Variants in SCFD1 observed in about 807,000 individuals in gnomAD.
SCFD1 encodes the protein sec1 family domain containing 1.
SCFD1 carries 37 observed loss-of-function variants against 103.2 expected under a neutral mutation model. That is an observed-to-expected ratio of 0.36 (90% CI 0.28 to 0.47). SCFD1 has a LOEUF of 0.47. Among genes scored for constraint, SCFD1 ranks in the 20% least tolerant of loss-of-function variants. The probability of loss-of-function intolerance (pLI) is 1.00; values close to 1 mark genes in which losing one functional copy is unlikely to be tolerated. For synonymous variants in SCFD1, 264 were observed against 245.0 expected (o/e 1.08, Z -0.73); for missense variants, 639 against 761.2 (o/e 0.84, Z 1.89).
intron 14 of SCFD1, among the ~76,000 whole-genome samples, chr14:30,679,683 C>CCTT (rs1479082425): frequency 3.3e-4 from 48 of 147,016 alleles, no homozygotes; most frequent in African/African-American, 1.1e-3. Flanking sequence ...CATAAACTGA[C>CCTT]TTTTTTTTTT....
intron 4 of SCFD1, chr14:30,634,725 T>C: frequency 2.3e-6 from 1 of 442,840 alleles, no homozygotes; most frequent in Non-Finnish European, 4.5e-6. Context: ...AGACCCAGGC[T>C]CCTTCTGTCG....
intron 2 of SCFD1, among the ~76,000 whole-genome samples, chr14:30,629,036 CCTT>C (rs1883822362): frequency 2.0e-5 from 3 of 152,138 alleles, no homozygotes; most frequent in Non-Finnish European, 4.4e-5. Context: ...CTAATTTTCT[CCTT>C]CTTGTTCCTT....
intron 7 of SCFD1, among the ~76,000 whole-genome samples, chr14:30,646,215 G>A (rs1885811909): frequency 6.6e-6 from 1 of 151,660 alleles, no homozygotes; most frequent in Non-Finnish European, 1.5e-5. Flanking sequence ...TAGAGATGGG[G>A]TTTCACCATG....
intron 19 of SCFD1, among the ~76,000 whole-genome samples, chr14:30,714,569 G>T (rs1354961753): frequency 7.2e-5 from 11 of 152,138 alleles, no homozygotes; most frequent in Admixed American, 7.2e-4. Flanking sequence ...TCTAGGGAAG[G>T]CAGCAGTATC....
chr14:30,683,106 G>GCCAAACCCTGGCACATTTGTTGAAAA, intron 14 of SCFD1: 1 of 1,305,966 alleles, frequency 7.7e-7, no homozygotes, highest in African/African-American at 1.5e-5. Flanking sequence ...CTTAAAAGCT[G>GCCAAACCCTGGCACATTTGTTGAAAA]TGGGGTTTTT....
Position 30,628,182 on chromosome 14 carries a change from A to G in SCFD1, c.62-27A>G, listed in dbSNP as rs746282079. 3.2e-6 allele frequency: 5 copies of G among 1,541,568 alleles called. No individual in the cohort carries two copies. In the South Asian group the frequency reaches 4.6e-5, roughly 14 times the overall value. On this transcript the variant is annotated intron_variant, in intron 1 of 24. Transcript: ENST00000458591. The stretch of plus-strand genomic sequence containing the variant: ...AATAAAATCCTAAAAAACAATGACA[A>G]TATTTGATAAAACTTTTTATTTTCA...
At chr14:30,658,076 G>A in intron 10 of SCFD1, 1 of 455,102 alleles carries the variant, frequency 2.2e-6, no homozygotes, top group South Asian at 1.6e-5. Context: ...TTATATCTTG[G>A]TTGCAGGAGA....
At chr14:30,701,451 A>G (rs924041839) in intron 16 of SCFD1, among the ~76,000 whole-genome samples, 4 of 152,138 alleles carry the variant, frequency 2.6e-5, no homozygotes, top group Admixed American at 6.5e-5. Context: ...GCTACTCGGG[A>G]GGCTGAGGCA....
intron 9 of SCFD1, among the ~76,000 whole-genome samples, chr14:30,651,207 G>A (rs1886365252): frequency 6.6e-6 from 1 of 152,046 alleles, no homozygotes; most frequent in South Asian, 2.1e-4. Context: ...CACTCAAATG[G>A]CTGAGAATTG....
At chr14:30,711,700 ATTATAAC>A (rs1222553193) in intron 19 of SCFD1, among the ~76,000 whole-genome samples, 1 of 152,116 alleles carries the variant, frequency 6.6e-6, no homozygotes, top group Non-Finnish European at 1.5e-5. Context: ...ATTATGTAAT[ATTATAAC>A]TTATAAATTA....
At chr14:30,634,619 A>G (rs932436254) in intron 4 of SCFD1, among the ~76,000 whole-genome samples, 1 of 152,286 alleles carries the variant, frequency 6.6e-6, no homozygotes, top group East Asian at 1.9e-4. Flanking sequence ...AAGCCTAGGT[A>G]TATTGCCTTT....
chr14:30,706,559 A>G (rs571913788), intron 18 of SCFD1, among the ~76,000 whole-genome samples: 7 of 152,334 alleles, frequency 4.6e-5, no homozygotes, highest in East Asian at 3.9e-4. Context: ...GTTGATAACT[A>G]ATATAGACTT....
At chr14:30,651,486 C>G (rs1886384656) in intron 9 of SCFD1, among the ~76,000 whole-genome samples, 1 of 151,484 alleles carries the variant, frequency 6.6e-6, no homozygotes. Context: ...TTAAATGGTT[C>G]TATGATTTCA....
At chr14:30,625,821 G>A (rs1450685783) in intron 1 of SCFD1, among the ~76,000 whole-genome samples, 1 of 152,028 alleles carries the variant, frequency 6.6e-6, no homozygotes, top group African/African-American at 2.4e-5. Context: ...ATCTCAGACT[G>A]GGCTGAGAAG....
At chr14:30,729,113 G>A (rs1893261649) in intron 23 of SCFD1, among the ~76,000 whole-genome samples, 2 of 152,052 alleles carry the variant, frequency 1.3e-5, no homozygotes, top group Non-Finnish European at 2.9e-5. Context: ...TTATGATTGA[G>A]TTGTAAGAAT....
At chr14:30,633,889 G>A in intron 3 of SCFD1, 58 bp from the exon 4 acceptor site, 3 of 975,262 alleles carry the variant, frequency 3.1e-6, no homozygotes, top group South Asian at 1.6e-5. Flanking sequence ...CCATTTTGAG[G>A]AATATTGTTT....
intron 3 of SCFD1, among the ~76,000 whole-genome samples, chr14:30,631,301 C>T (rs1472279581): frequency 5.9e-5 from 9 of 151,886 alleles, no homozygotes; most frequent in South Asian, 2.1e-4. Context: ...TGCAGTGAGC[C>T]GAGACTGTGC....
chr14:30,681,213 T>A, intron 14 of SCFD1, among the ~76,000 whole-genome samples: 1 of 140,188 alleles, frequency 7.1e-6, no homozygotes. Context: ...AGAGTGAGAC[T>A]CTGTCTCAAA....
chr14:30,734,883 TTC>T (rs1375103197), intron 24 of SCFD1, 25 bp downstream of exon 24: 1 of 1,555,078 alleles, frequency 6.4e-7, no homozygotes, highest in South Asian at 1.1e-5. Context: ...TGTTGTTTGT[TTC>T]TGTTAACATA....
Sources: gnomAD v4.1 joint callset for allele counts (sites outside exome capture counted in the v4.1 genomes callset) on GRCh38, gnomAD v4.1.1 for gene constraint, MANE v1.5 for transcripts, NCBI Gene and HGNC (gene_info 2026-07-23, HGNC 2026-07-21) for gene names.